ROBO1: variants seen among roughly 807,000 people sequenced by gnomAD.
ROBO1 encodes the protein roundabout guidance receptor 1.
ROBO1 carries 149 observed loss-of-function variants against 195.9 expected under a neutral mutation model. The observed-to-expected ratio is 0.76, with a 90% CI of 0.67 to 0.87. The LOEUF (loss-of-function observed/expected upper bound fraction) is 0.87. Ranked by LOEUF, ROBO1 falls within the 40% of genes least tolerant of loss-of-function variation. The pLI, the probability that ROBO1 is intolerant of heterozygous loss-of-function variation, is 0.00. For missense variants in ROBO1, 1,933 were observed against 2,068.3 expected (o/e 0.93, Z 1.27); for synonymous variants, 816 against 733.2 (o/e 1.11, Z -1.82).
At chr3:79,688,115 A>G (rs1262594341) in intron 1 of ROBO1, among the ~76,000 whole-genome samples, 1 of 151,172 alleles carries the variant, frequency 6.6e-6, no homozygotes, top group Non-Finnish European at 1.5e-5. Flanking sequence ...AAACTATCGC[A>G]AGGACTAAAA....
chr3:79,346,412 A>G (rs1035185778), intron 2 of ROBO1, among the ~76,000 whole-genome samples: 1 of 152,160 alleles, frequency 6.6e-6, no homozygotes, highest in African/African-American at 2.4e-5. Flanking sequence ...CTACATCATC[A>G]TAATTGTAGA....
At chr3:79,571,223 C>G (rs1386250251) in intron 2 of ROBO1, among the ~76,000 whole-genome samples, 1 of 151,850 alleles carries the variant, frequency 6.6e-6, no homozygotes, top group Non-Finnish European at 1.5e-5. Flanking sequence ...TTCCAAAGGC[C>G]AAAAGTAATT....
At chr3:78,729,065 A>C (rs564866672) in intron 5 of ROBO1, among the ~76,000 whole-genome samples, 189 of 152,338 alleles carry the variant, frequency 1.2e-3, no homozygotes, top group African/African-American at 4.4e-3. Flanking sequence ...AGCTGAGAAC[A>C]CAGGCCTGGG....
intron 2 of ROBO1, among the ~76,000 whole-genome samples, chr3:79,548,205 G>A (rs1942344122): frequency 6.6e-6 from 1 of 152,148 alleles, no homozygotes; most frequent in South Asian, 2.1e-4. Flanking sequence ...CTTTACTCCT[G>A]ACCCTCGCTG....
intron 1 of ROBO1, among the ~76,000 whole-genome samples, chr3:79,763,409 A>G (rs1340534589): frequency 6.6e-6 from 1 of 152,204 alleles, no homozygotes; most frequent in East Asian, 1.9e-4. Flanking sequence ...ATGTTATTGG[A>G]AATTACTTGG....
At chr3:78,960,572 A>G (rs952771973) in intron 3 of ROBO1, among the ~76,000 whole-genome samples, 10 of 151,948 alleles carry the variant, frequency 6.6e-5, no homozygotes, top group African/African-American at 2.4e-4. Flanking sequence ...CGAGGTCAAG[A>G]GATCGAGACC....
intron 4 of ROBO1, among the ~76,000 whole-genome samples, chr3:78,783,416 C>A (rs1417947947): frequency 6.6e-6 from 1 of 152,122 alleles, no homozygotes; most frequent in Non-Finnish European, 1.5e-5. Flanking sequence ...TTCATCTATA[C>A]CTACAATCAA....
chr3:78,614,579 G>C, intron 28 of ROBO1, 69 bp downstream of exon 28: 1 of 1,493,642 alleles, frequency 6.7e-7, no homozygotes, highest in Admixed American at 1.9e-5. Context: ...GAATGCATTT[G>C]CTAGTCCTAG....
intron 2 of ROBO1, among the ~76,000 whole-genome samples, chr3:79,135,310 G>A (rs577767979): frequency 6.6e-6 from 1 of 152,222 alleles, no homozygotes; most frequent in East Asian, 1.9e-4. Context: ...ATAATTGATA[G>A]ATCAGACAGT....
At chr3:79,004,525 C>A (rs180916000) in intron 3 of ROBO1, among the ~76,000 whole-genome samples, 1 of 152,166 alleles carries the variant, frequency 6.6e-6, no homozygotes, top group Non-Finnish European at 1.5e-5. Context: ...GTAGAGGATG[C>A]TAGAGAAACA....
At chr3:78,663,385 A>G (rs1170199345) in intron 14 of ROBO1, among the ~76,000 whole-genome samples, 1 of 152,100 alleles carries the variant, frequency 6.6e-6, no homozygotes, top group Non-Finnish European at 1.5e-5. Context: ...TCCTTTACCA[A>G]TATTTTTGGT....
intron 25 of ROBO1, among the ~76,000 whole-genome samples, chr3:78,629,940 T>G (rs765246412): frequency 2.6e-5 from 4 of 152,204 alleles, no homozygotes; most frequent in Non-Finnish European, 4.4e-5. Flanking sequence ...GTTTATTTAG[T>G]GCCATGTTTG....
intron 3 of ROBO1, among the ~76,000 whole-genome samples, chr3:79,106,776 G>A (rs1397897292): frequency 6.6e-6 from 1 of 151,616 alleles, no homozygotes; most frequent in African/African-American, 2.4e-5. Flanking sequence ...TAAATGGCAA[G>A]TAATTATTGT....
rs143236594 is a variant in ROBO1, at chr3:79,286,102, A to G, written c.89-160563T>C. Among the ~76,000 whole-genome samples the G allele has an allele frequency of 2.2e-4, 34 of 152,342 alleles. No individual in the cohort carries two copies. The East Asian group carries it at 4.4e-3, about 20-fold the overall frequency. On this transcript the variant is annotated intron_variant, in intron 2 of 30. Transcript: ENST00000464233. ...AATATAAGCAAGGCAGTCAAACATG[A>G]AAGAGTTGAATCAATAAACACGTCC...
At chr3:78,693,107 T>C (rs745684485) in intron 8 of ROBO1, 14 of 448,810 alleles carry the variant, frequency 3.1e-5, no homozygotes, top group Middle Eastern at 4.3e-4. Flanking sequence ...AGGATGCAGA[T>C]CACACATCAT....
In ROBO1 at chr3:79,480,956, G is replaced by A. The variant is rs369332864; in HGVS notation, c.88+108868C>T. Reference sequence around the variant, plus strand: ...TTTCCAGCACAGAGAAGACATGTGAGATCAATTTTTTTTCCTCCATACATT... The same window carrying A: ...TTTCCAGCACAGAGAAGACATGTGAAATCAATTTTTTTTCCTCCATACATT... On this transcript the variant is annotated intron_variant, in intron 2 of 30. Coordinates refer to ENST00000464233, the MANE Select transcript of ROBO1 (RefSeq NM_002941.4). Among the ~76,000 whole-genome samples the A allele has an allele frequency of 1.3e-4, 20 of 152,232 alleles. No homozygotes were observed. In the South Asian group the frequency reaches 3.7e-3, roughly 28 times the overall value.
At chr3:78,768,928 C>T (rs374177197) in intron 4 of ROBO1, among the ~76,000 whole-genome samples, 5 of 150,528 alleles carry the variant, frequency 3.3e-5, no homozygotes, top group African/African-American at 7.3e-5. Context: ...TTTGTTCTTG[C>T]GATAGTTTAC....
chr3:79,742,754 T>A (rs957857729), intron 1 of ROBO1, among the ~76,000 whole-genome samples: 2 of 152,188 alleles, frequency 1.3e-5, no homozygotes, highest in African/African-American at 4.8e-5. Context: ...ATTTCTGATT[T>A]CCCTGGTAAT....
chr3:79,590,304 GAAAT>G (rs1404947943), intron 1 of ROBO1, among the ~76,000 whole-genome samples: 5 of 151,612 alleles, frequency 3.3e-5, no homozygotes, highest in African/African-American at 9.7e-5. Context: ...TTAGAAAACT[GAAAT>G]TAATCATTCA....
Sources: gnomAD v4.1 joint callset for allele counts (sites outside exome capture counted in the v4.1 genomes callset) on GRCh38, gnomAD v4.1.1 for gene constraint, MANE v1.5 for transcripts, NCBI Gene and HGNC (gene_info 2026-07-23, HGNC 2026-07-21) for gene names.